The following LSAMP variants were observed in gnomAD, a reference collection of about 807,000 sequenced individuals.
The protein encoded by LSAMP is limbic system associated membrane protein, also known as limbic system-associated membrane protein.
In LSAMP, 7 loss-of-function variants were observed where a neutral mutation model predicts 38.6. That is an observed-to-expected ratio of 0.18 (90% CI 0.10 to 0.34). LSAMP has a LOEUF of 0.34. Among genes scored for constraint, LSAMP ranks in the 10% least tolerant of loss-of-function variants. LSAMP has a pLI of 1.00. For synonymous variants in LSAMP, 154 were observed against 166.8 expected (o/e 0.92, Z 0.59); for missense variants, 313 against 420.0 (o/e 0.75, Z 2.23).
intron 3 of LSAMP, among the ~76,000 whole-genome samples, chr3:116,013,191 T>G (rs1280260957): frequency 2.0e-5 from 3 of 152,174 alleles, no homozygotes; most frequent in Non-Finnish European, 4.4e-5. Context: ...AGGGTGATGC[T>G]AGGGCATTTG....
At chr3:116,247,061 T>A (rs2046614162) in intron 1 of LSAMP, among the ~76,000 whole-genome samples, 1 of 152,052 alleles carries the variant, frequency 6.6e-6, no homozygotes, top group African/African-American at 2.4e-5. Context: ...GCTGGAAAAA[T>A]TACATAGAAC....
intron 3 of LSAMP, among the ~76,000 whole-genome samples, chr3:115,953,444 A>ACACACACACACACACACAC (rs1224815803): frequency 1.0e-5 from 1 of 97,120 alleles, no homozygotes. Flanking sequence ...CACACACACA[A>ACACACACACACACACACAC]TGTCTAAAAT....
intron 3 of LSAMP, among the ~76,000 whole-genome samples, chr3:115,920,495 T>C (rs1306821484): frequency 6.6e-6 from 1 of 152,214 alleles, no homozygotes; most frequent in African/African-American, 2.4e-5. Context: ...TGTTGGCTTC[T>C]TGTATGTCTT....
rs542395632 is a variant in LSAMP, at chr3:116,283,729, G to A, written c.155+161148C>T. ...GTAAGAGCCAGATGGAGGTTGTGAC[G>A]GTATGTGCCTAATGAAAATGGCACT... is the stretch of plus-strand genomic sequence containing the variant. On this transcript the variant is annotated intron_variant, in intron 1 of 6. Transcript: ENST00000490035. Among the ~76,000 whole-genome samples, 26 of 152,204 alleles carry A rather than the reference G, an allele frequency of 1.7e-4. No homozygotes were observed. The South Asian group carries it at 5.0e-3, about 29-fold the overall frequency.
chr3:116,232,550 T>C (rs2046412625), intron 1 of LSAMP, among the ~76,000 whole-genome samples: 1 of 152,084 alleles, frequency 6.6e-6, no homozygotes, highest in Non-Finnish European at 1.5e-5. Context: ...ACCTACCTGG[T>C]TGCTTTATAA....
chr3:116,100,762 T>G (rs1020443519), intron 1 of LSAMP, among the ~76,000 whole-genome samples: 5 of 152,228 alleles, frequency 3.3e-5, no homozygotes, highest in Admixed American at 2.0e-4. Context: ...AAACATCAGT[T>G]CACTTAACCT....
intron 2 of LSAMP, among the ~76,000 whole-genome samples, chr3:116,020,278 A>G (rs577044851): frequency 1.3e-5 from 2 of 152,186 alleles, no homozygotes; most frequent in Non-Finnish European, 2.9e-5. Context: ...CAAAAATACT[A>G]TTACTTCTAG....
At chr3:116,117,183 A>G (rs775031863) in intron 1 of LSAMP, among the ~76,000 whole-genome samples, 1 of 152,228 alleles carries the variant, frequency 6.6e-6, no homozygotes, top group Admixed American at 6.5e-5. Flanking sequence ...TGCAACTTAT[A>G]TAATTATTTT....
At chr3:116,019,021 G>A (rs915127801) in intron 3 of LSAMP, among the ~76,000 whole-genome samples, 1 of 152,056 alleles carries the variant, frequency 6.6e-6, no homozygotes, top group Non-Finnish European at 1.5e-5. Flanking sequence ...TAAAAGCCAA[G>A]CAAACAAACA....
In LSAMP at chr3:116,128,164, T is replaced by C. The variant is rs541655409; in HGVS notation, c.156-41608A>G. ...GAAATGTCCTAGGGCCTGGAAATAC[T>C]GGTGGTAAAGGTATAATTGTTGCCC... On this transcript the variant is annotated intron_variant, in intron 1 of 6. Transcript: ENST00000490035. Among the ~76,000 whole-genome samples the C allele has an allele frequency of 1.5e-4, 23 of 152,362 alleles. No individual in the cohort carries two copies. The East Asian group carries it at 1.7e-3, about 11-fold the overall frequency.
chr3:116,318,218 T>C (rs1020043495), intron 1 of LSAMP, among the ~76,000 whole-genome samples: 6 of 152,060 alleles, frequency 3.9e-5, no homozygotes, highest in African/African-American at 1.5e-4. Flanking sequence ...GTCTTTTAAG[T>C]TCCTTAGACA....
At chr3:116,270,840 AAGC>A (rs1384831795) in intron 1 of LSAMP, among the ~76,000 whole-genome samples, 1 of 152,162 alleles carries the variant, frequency 6.6e-6, no homozygotes, top group Non-Finnish European at 1.5e-5. Flanking sequence ...TATATACAAT[AAGC>A]AGTAAAAAAA....
chr3:115,970,431 T>G (rs1291082135), intron 3 of LSAMP, among the ~76,000 whole-genome samples: 2 of 152,292 alleles, frequency 1.3e-5, no homozygotes, highest in East Asian at 3.9e-4. Flanking sequence ...GTTTTCCCCT[T>G]GGCAGTATGT....
At chr3:116,072,044 C>A (rs1044127367) in intron 2 of LSAMP, among the ~76,000 whole-genome samples, 2 of 145,242 alleles carry the variant, frequency 1.4e-5, no homozygotes, top group African/African-American at 5.1e-5. Flanking sequence ...GGTGCGATCT[C>A]GGCTCACTGC....
intron 1 of LSAMP, among the ~76,000 whole-genome samples, chr3:116,090,993 T>G (rs569882132): frequency 1.3e-5 from 2 of 152,172 alleles, no homozygotes; most frequent in Non-Finnish European, 2.9e-5. Context: ...CCAAAATTTA[T>G]TAGGTGGGAA....
At chr3:116,189,679 G>A (rs1299806663) in intron 1 of LSAMP, among the ~76,000 whole-genome samples, 2 of 151,988 alleles carry the variant, frequency 1.3e-5, no homozygotes, top group African/African-American at 4.8e-5. Context: ...GTTTTTAAGT[G>A]GCCTATATCA....
chr3:116,023,922 T>C (rs1178973711), intron 2 of LSAMP, among the ~76,000 whole-genome samples: 2 of 152,190 alleles, frequency 1.3e-5, no homozygotes, highest in Admixed American at 6.5e-5. Flanking sequence ...TGACATTATA[T>C]TTCTTCCTAC....
At chr3:116,022,507 T>A (rs961126318) in intron 2 of LSAMP, among the ~76,000 whole-genome samples, 1 of 152,190 alleles carries the variant, frequency 6.6e-6, no homozygotes, top group Non-Finnish European at 1.5e-5. Flanking sequence ...CAATTTCTGT[T>A]AGCTTGTTTT....
At chr3:116,341,904 G>A (rs938407504) in intron 1 of LSAMP, among the ~76,000 whole-genome samples, 1 of 151,976 alleles carries the variant, frequency 6.6e-6, no homozygotes, top group Non-Finnish European at 1.5e-5. Context: ...AAGGTTAAAG[G>A]AGCTGAACAT....
Sources: gnomAD v4.1 joint callset for allele counts (sites outside exome capture counted in the v4.1 genomes callset) on GRCh38, gnomAD v4.1.1 for gene constraint, MANE v1.5 for transcripts, NCBI Gene and HGNC (gene_info 2026-07-23, HGNC 2026-07-21) for gene names.